Variants in TCF12 observed in about 807,000 individuals in gnomAD.
TCF12 encodes the protein transcription factor 12, also known as DNA-binding protein HTF4.
A neutral mutation model predicts 86.0 loss-of-function variants in TCF12; 45 were observed. That is an observed-to-expected ratio of 0.52 (90% CI 0.41 to 0.67). The LOEUF is 0.67. Among genes scored for constraint, TCF12 ranks in the 30% least tolerant of loss-of-function variants. The probability of loss-of-function intolerance (pLI) is 0.00; values close to 1 mark genes in which losing one functional copy is unlikely to be tolerated. For synonymous variants in TCF12, 330 were observed against 299.6 expected (o/e 1.10, Z -1.05); for missense variants, 881 against 859.9 (o/e 1.02, Z -0.31).
chr15:56,947,294 T>C (rs989347926), intron 3 of TCF12, among the ~76,000 whole-genome samples: 2 of 152,126 alleles, frequency 1.3e-5, no homozygotes, highest in Admixed American at 6.6e-5. Flanking sequence ...TTGTGGAGTT[T>C]TACTGTGTGT....
intron 4 of TCF12, among the ~76,000 whole-genome samples, chr15:57,077,365 G>A (rs2585090): frequency 0.021 from 593 of 27,918 alleles, 21 homozygotes; most frequent in African/African-American, 0.053. Flanking sequence ...GTGTGTGTGT[G>A]TGTGTGTGTA....
In TCF12 at chr15:56,932,382, C is replaced by T. The variant is rs548915070; in HGVS notation, c.148+11284C>T. Among the ~76,000 whole-genome samples the T allele has an allele frequency of 7.9e-5, 12 of 152,244 alleles. No individual in the cohort carries two copies. The South Asian group carries it at 2.1e-3, about 26-fold the overall frequency. ...CTAATCAGTTGTAGTTGCACCTGCA[C>T]TGATACCAATCTACAAGAGCATGGT... is the stretch of plus-strand genomic sequence containing the variant. On this transcript the variant is annotated intron_variant, in intron 3 of 20. Coordinates refer to ENST00000333725, the MANE Select transcript of TCF12 (RefSeq NM_207037.2).
intron 5 of TCF12, among the ~76,000 whole-genome samples, chr15:57,164,268 C>A (rs1306511931): frequency 6.6e-6 from 1 of 152,130 alleles, no homozygotes; most frequent in Non-Finnish European, 1.5e-5. Flanking sequence ...AAGTTTTGAA[C>A]TGTGGGTGTA....
chr15:56,930,322 C>T (rs1036501943), intron 3 of TCF12, among the ~76,000 whole-genome samples: 12 of 152,178 alleles, frequency 7.9e-5, no homozygotes, highest in Admixed American at 2.0e-4. Flanking sequence ...TAAACAGTAG[C>T]GTGGTTTGAC....
chr15:57,282,321 T>G, intron 19 of TCF12, 124 bp from the exon 20 acceptor site: 1 of 1,142,268 alleles, frequency 8.8e-7, no homozygotes, highest in Non-Finnish European at 1.3e-6. Flanking sequence ...AGCACATTGT[T>G]TCTTCTATGT....
intron 3 of TCF12, among the ~76,000 whole-genome samples, chr15:56,980,658 A>G (rs932146926): frequency 6.6e-6 from 1 of 151,448 alleles, no homozygotes; most frequent in Admixed American, 6.6e-5. Context: ...CATTTCCTCA[A>G]CTCCCATGTT....
At position 57,195,317 on chromosome 15, in the gene TCF12, C is replaced by T. The variant is rs2057202844; in HGVS notation, c.527-2456C>T. Among the ~76,000 whole-genome samples the T allele has an allele frequency of 2.0e-5, 3 of 152,168 alleles. No homozygotes were observed. The South Asian group carries it at 6.2e-4, about 31-fold the overall frequency. ...TTGTATAGTGGTGGGTAACCAAATA[C>T]AAAAGAAAAATTTCTTTTCACATGG... On this transcript the variant is annotated intron_variant, in intron 7 of 20. Coordinates refer to ENST00000333725, the MANE Select transcript of TCF12 (RefSeq NM_207037.2).
intron 3 of TCF12, among the ~76,000 whole-genome samples, chr15:57,039,065 G>A (rs183347695): frequency 1.9e-4 from 29 of 152,156 alleles, no homozygotes; most frequent in African/African-American, 7.0e-4. Context: ...AACTGTATAG[G>A]CCAGACTGCT....
At chr15:57,134,118 A>G (rs2052350790) in intron 5 of TCF12, among the ~76,000 whole-genome samples, 1 of 152,154 alleles carries the variant, frequency 6.6e-6, no homozygotes, top group Non-Finnish European at 1.5e-5. Context: ...TTCTTTTTTT[A>G]AAAGATTCTA....
chr15:57,033,834 A>T (rs568981002), intron 3 of TCF12, among the ~76,000 whole-genome samples: 1 of 152,192 alleles, frequency 6.6e-6, no homozygotes, highest in Non-Finnish European at 1.5e-5. Flanking sequence ...AGGAAAGTAA[A>T]CACCAGAGTA....
At chr15:56,919,662 C>T in intron 1 of TCF12, 1 of 348,978 alleles carries the variant, frequency 2.9e-6, no homozygotes, top group Non-Finnish European at 5.3e-6. Context: ...GTTGCGGGAG[C>T]CGCCGCGTCG....
At position 57,129,224 on chromosome 15, in the gene TCF12, G is replaced by T. The variant is rs543399291; in HGVS notation, c.326-37178G>T. Among the ~76,000 whole-genome samples the T allele has an allele frequency of 2.0e-5, 3 of 152,274 alleles. No individual in the cohort carries two copies. The East Asian group carries it at 5.8e-4, about 29-fold the overall frequency. ...TTCCTTTTATTTTAGCCATCTTAAT[G>T]GTGTGAAAACCTCACTGAGGTTTTG... On this transcript the variant is annotated intron_variant, in intron 5 of 20. Transcript: ENST00000333725.
intron 3 of TCF12, among the ~76,000 whole-genome samples, chr15:56,943,533 T>C (rs1210779120): frequency 1.3e-5 from 2 of 152,240 alleles, no homozygotes; most frequent in Non-Finnish European, 1.5e-5. Context: ...CTCTTCATAA[T>C]AACTCTTTGA....
rs530743721 is a variant in TCF12, at chr15:57,216,022, T to C, written c.580-15130T>C. Among the ~76,000 whole-genome samples, 97 of 152,162 alleles carry C rather than the reference T, an allele frequency of 6.4e-4. 1 individual carries two copies. The highest frequency in any genetic ancestry group is 1.2e-3 in the Non-Finnish European group (79 of 68,000). On this transcript the variant is annotated intron_variant, in intron 8 of 20. Coordinates refer to ENST00000333725, the MANE Select transcript of TCF12 (RefSeq NM_207037.2). ...TAGACTTTTTGAAAACATCTTTTCC[T>C]ATATCGTCAGTAAAGAAGTAACTTG...
At chr15:57,123,982 A>ATT (rs1555511575) in intron 5 of TCF12, among the ~76,000 whole-genome samples, 3 of 111,240 alleles carry the variant, frequency 2.7e-5, no homozygotes, top group African/African-American at 6.0e-5. Flanking sequence ...AAAAAAAAAA[A>ATT]TTTTTTTTTT....
chr15:57,243,578 C>G lies in TCF12; in HGVS notation c.1114+28C>G, dbSNP rs774351580. On this transcript the variant is annotated intron_variant, in intron 13 of 20. Transcript: ENST00000333725. ...AGGCTTCTGTTTTATCTACTTCTAA[C>G]TGGTGGGACTACTTGGAAATATTTC... is the stretch of plus-strand genomic sequence containing the variant. 4 of 1,527,410 alleles carry G rather than the reference C, an allele frequency of 2.6e-6. No individual in the cohort carries two copies. The South Asian group carries it at 4.7e-5, about 18-fold the overall frequency. The allele number at this position is 1,527,410 out of a possible 1,614,324, so 94.6% of individuals were successfully genotyped here. A position where few individuals can be genotyped will look rare whatever the true frequency, so the allele number is the denominator to read the frequency against.
At chr15:57,166,127 C>T (rs936843175) in intron 5 of TCF12, among the ~76,000 whole-genome samples, 5 of 151,980 alleles carry the variant, frequency 3.3e-5, no homozygotes, top group East Asian at 1.9e-4. Flanking sequence ...CTATTGCCCA[C>T]GCTAGTCTTG....
At chr15:57,220,025 C>G (rs1244580259) in intron 8 of TCF12, among the ~76,000 whole-genome samples, 2 of 152,096 alleles carry the variant, frequency 1.3e-5, no homozygotes, top group African/African-American at 2.4e-5. Context: ...CGCGCCCAGC[C>G]TAGATTGTAG....
intron 5 of TCF12, among the ~76,000 whole-genome samples, chr15:57,152,294 T>TA (rs1303764398): frequency 6.6e-6 from 1 of 152,022 alleles, no homozygotes; most frequent in East Asian, 1.9e-4. Flanking sequence ...ACAAAACAAA[T>TA]ACTTTCAAGA....
Sources: allele counts gnomAD v4.1 joint callset (sites outside exome capture counted in the v4.1 genomes callset), GRCh38; gene constraint gnomAD v4.1.1; transcripts MANE v1.5; gene names NCBI Gene and HGNC (gene_info 2026-07-23, HGNC 2026-07-21).